WDR43: variants seen among roughly 807,000 people sequenced by gnomAD.
WDR43 encodes the protein WD repeat-containing protein 43.
WDR43 carries 13 observed loss-of-function variants against 91.4 expected under a neutral mutation model. The ratio of observed to expected loss-of-function variants is 0.14; its 90% CI spans 0.09 to 0.23. The LOEUF is 0.23. Among genes scored for constraint, WDR43 ranks in the 10% least tolerant of loss-of-function variants. The pLI, the probability that WDR43 is intolerant of heterozygous loss-of-function variation, is 1.00. For synonymous variants in WDR43, 331 were observed against 287.9 expected (o/e 1.15, Z -1.51); for missense variants, 780 against 809.4 (o/e 0.96, Z 0.44).
chr2:28,940,828 T>G (rs1436505071), intron 14 of WDR43, among the ~76,000 whole-genome samples: 2 of 152,216 alleles, frequency 1.3e-5, no homozygotes, highest in Non-Finnish European at 2.9e-5. Flanking sequence ...TTATCAGTCG[T>G]GTTGTGTTCC....
intron 6 of WDR43, 114 bp from the exon 7 acceptor site, chr2:28,922,805 T>TTTTG (rs1671059038): frequency 4.8e-6 from 2 of 413,082 alleles, no homozygotes; most frequent in Non-Finnish European, 8.0e-6. Context: ...GTGTTTTTTT[T>TTTTG]TTTTTTTTTC....
Position 28,914,120 on chromosome 2 carries a change from A to G in WDR43, c.658A>G (p.Arg220Gly). 1.2e-6 allele frequency: 2 copies of G among 1,613,994 alleles called. No homozygotes were observed. Among genetic ancestry groups the G allele is most frequent in the Non-Finnish European group, 1.7e-6 (2 of 1,179,880 alleles). Residue 220 changes from arginine to glycine, a missense_variant, in exon 5 of 18, where the codon AGA becomes GGA. Around this residue, in one of 4 missense-constraint regions of WDR43, gnomAD observed 174 missense variants for 207.3 expected, o/e 0.84. Transcript: ENST00000407426. ...TTCGTCACTGATGTTCACTACCATC[A>G]GACCTCCTAATGAGAGCCAGCCCTT... The part of the protein sequence containing the change: ...PVSSLMFTTI[R>G]PPNESQPFDG...
intron 3 of WDR43, 79 bp downstream of exon 3, chr2:28,906,660 A>T (rs1670688010): frequency 6.9e-7 from 1 of 1,448,828 alleles, no homozygotes; most frequent in Non-Finnish European, 9.1e-7. Flanking sequence ...GACATTAATA[A>T]GGTTATAGGT....
intron 16 of WDR43, 22 bp from the exon 17 acceptor site, chr2:28,946,424 AGGCT>A: frequency 6.3e-7 from 1 of 1,597,520 alleles, no homozygotes; most frequent in Non-Finnish European, 8.5e-7. Flanking sequence ...TCTAAAATTA[AGGCT>A]GGGTTCTTTC....
At chr2:28,918,210 A>G (rs987877781) in intron 6 of WDR43, among the ~76,000 whole-genome samples, 6 of 152,210 alleles carry the variant, frequency 3.9e-5, no homozygotes, top group Non-Finnish European at 8.8e-5. Flanking sequence ...TAGTAAATTC[A>G]GGAATTCATT....
At chr2:28,924,435 G>A (rs2148190793) in intron 7 of WDR43, among the ~76,000 whole-genome samples, 1 of 152,240 alleles carries the variant, frequency 6.6e-6, no homozygotes, top group Middle Eastern at 3.4e-3. Context: ...GAAGAGCAGG[G>A]AACTTATTTA....
At chr2:28,907,677 G>T (rs1002756500) in intron 3 of WDR43, among the ~76,000 whole-genome samples, 1 of 152,040 alleles carries the variant, frequency 6.6e-6, no homozygotes, top group Admixed American at 6.6e-5. Flanking sequence ...AGGCCAAGGC[G>T]GGAGGATCAT....
intron 13 of WDR43, 103 bp from the exon 14 acceptor site, chr2:28,937,828 C>A (rs1671362487): frequency 2.8e-6 from 3 of 1,067,584 alleles, no homozygotes; most frequent in African/African-American, 3.2e-5. Context: ...TTTCACAGAG[C>A]AACATTTATA....
At chr2:28,932,622 A>T (rs1394202828) in intron 11 of WDR43, among the ~76,000 whole-genome samples, 1 of 152,186 alleles carries the variant, frequency 6.6e-6, no homozygotes, top group Non-Finnish European at 1.5e-5. Flanking sequence ...CCTTATGAGG[A>T]TACATAGTTA....
chr2:28,924,501 T>C (rs1201527978), intron 7 of WDR43, among the ~76,000 whole-genome samples: 2 of 151,978 alleles, frequency 1.3e-5, no homozygotes, highest in Non-Finnish European at 1.5e-5. Flanking sequence ...AGGTACAAGT[T>C]GGGAGTGCTG....
chr2:28,907,892 A>T (rs1288354274), intron 3 of WDR43, among the ~76,000 whole-genome samples: 3 of 120,282 alleles, frequency 2.5e-5, no homozygotes, highest in Non-Finnish European at 5.5e-5. Flanking sequence ...CGACAGAGCG[A>T]GACTCCGTCT....
intron 14 of WDR43, among the ~76,000 whole-genome samples, chr2:28,938,218 CG>C (rs1217812629): frequency 1.3e-5 from 2 of 152,090 alleles, no homozygotes; most frequent in Non-Finnish European, 2.9e-5. Context: ...CTCTGCCCCC[CG>C]GATGTAAAAA....
chr2:28,897,014 C>G (rs886751748), intron 1 of WDR43, among the ~76,000 whole-genome samples: 1 of 152,108 alleles, frequency 6.6e-6, no homozygotes, highest in African/African-American at 2.4e-5. Flanking sequence ...TGACTTGACT[C>G]AAGCCTTAAT....
chr2:28,899,135 G>T (rs11689719), intron 1 of WDR43, among the ~76,000 whole-genome samples: 40,384 of 152,094 alleles, frequency 0.27, 6,529 homozygotes, highest in East Asian at 0.77. Flanking sequence ...ATTCACTTCT[G>T]ATGCCTTCAG....
chr2:28,915,842 T>C (rs1325601440), intron 5 of WDR43, among the ~76,000 whole-genome samples: 3 of 152,236 alleles, frequency 2.0e-5, no homozygotes. Flanking sequence ...TGAGCATACA[T>C]GAATGACTTC....
chr2:28,940,837 C>G (rs1558384540), intron 14 of WDR43, among the ~76,000 whole-genome samples: 1 of 152,094 alleles, frequency 6.6e-6, no homozygotes, highest in Non-Finnish European at 1.5e-5. Flanking sequence ...GTGTTGTGTT[C>G]CAAATATAAC....
At chr2:28,929,855 A>G in intron 11 of WDR43, 145 bp downstream of exon 11, 1 of 878,388 alleles carries the variant, frequency 1.1e-6, no homozygotes, top group South Asian at 1.7e-5. Context: ...AACATGTATC[A>G]CTTGGTGGCA....
intron 4 of WDR43, 106 bp from the exon 5 acceptor site, chr2:28,913,963 C>T: frequency 7.6e-7 from 1 of 1,312,806 alleles, no homozygotes; most frequent in Non-Finnish European, 1.1e-6. Context: ...TCGTGGAGCT[C>T]TCCTTTCCGA....
chr2:28,932,058 TG>T (rs1368389299), intron 11 of WDR43, among the ~76,000 whole-genome samples: 2 of 152,078 alleles, frequency 1.3e-5, no homozygotes, highest in Non-Finnish European at 2.9e-5. Context: ...AAAATTTTTT[TG>T]GTAGAGACAG....
Sources: gnomAD v4.1 joint callset for allele counts (sites outside exome capture counted in the v4.1 genomes callset) on GRCh38, gnomAD v4.1.1 for gene constraint, gnomAD v4.1.1 regional missense constraint, MANE v1.5 for transcripts, NCBI Gene and HGNC (gene_info 2026-07-23, HGNC 2026-07-21) for gene names.